Variants in SLC35F3 observed in about 807,000 individuals in gnomAD.
The protein encoded by SLC35F3 is solute carrier family 35 member F3, also known as putative thiamine transporter SLC35F3.
In SLC35F3, 25 loss-of-function variants were observed where a neutral mutation model predicts 49.9. The ratio of observed to expected loss-of-function variants is 0.50; its 90% CI spans 0.37 to 0.70. The LOEUF is 0.70. Ranked by LOEUF, SLC35F3 falls within the 30% of genes least tolerant of loss-of-function variation. SLC35F3 has a pLI of 0.00. For synonymous variants in SLC35F3, 275 were observed against 265.4 expected (o/e 1.04, Z -0.35); for missense variants, 525 against 639.8 (o/e 0.82, Z 1.94).
intron 2 of SLC35F3, among the ~76,000 whole-genome samples, chr1:234,185,070 A>T (rs4920171): frequency 0.14 from 20,910 of 152,248 alleles, 3,630 homozygotes; most frequent in East Asian, 0.87. Context: ...TCATAATGTT[A>T]TGAATCTAAA....
intron 2 of SLC35F3, among the ~76,000 whole-genome samples, chr1:234,102,564 T>C (rs536726056): frequency 1.3e-5 from 2 of 152,308 alleles, no homozygotes; most frequent in African/African-American, 4.8e-5. Flanking sequence ...AAGAGATGAA[T>C]GAGTTAGTGC....
At chr1:234,057,970 G>T (rs1031944861) in intron 2 of SLC35F3, among the ~76,000 whole-genome samples, 4 of 152,102 alleles carry the variant, frequency 2.6e-5, no homozygotes, top group Non-Finnish European at 4.4e-5. Context: ...GCTACCCAAA[G>T]GGCTGGGATT....
chr1:234,108,733 ATATCTTT>A (rs1665346379), intron 2 of SLC35F3, among the ~76,000 whole-genome samples: 5 of 81,682 alleles, frequency 6.1e-5, no homozygotes, highest in African/African-American at 2.4e-4. Flanking sequence ...ATAAATATAT[ATATCTTT>A]TATATATAAA....
In SLC35F3 at chr1:233,950,279, G is replaced by T. The variant is rs188543187; in HGVS notation, c.283+44521G>T. On this transcript the variant is annotated intron_variant, in intron 2 of 7. Coordinates refer to ENST00000366618, the MANE Select transcript of SLC35F3 (RefSeq NM_173508.4). ...CAGGTGCCTGTAGTCCCAGCTACTC[G>T]GGAGGCTGAGGCAGGAGAATGACAT... is the stretch of plus-strand genomic sequence containing the variant. Among the ~76,000 whole-genome samples the T allele has an allele frequency of 7.1e-4, 107 of 150,696 alleles. 1 individual carries two copies. In the East Asian group the frequency reaches 0.016, roughly 22 times the overall value.
chr1:234,192,890 A>G (rs999259761), intron 2 of SLC35F3, among the ~76,000 whole-genome samples: 1 of 152,154 alleles, frequency 6.6e-6, no homozygotes, highest in Admixed American at 6.5e-5. Context: ...ATATACCTAA[A>G]CAAGGTGAAA....
chr1:234,307,671 G>C (rs958425063), intron 3 of SLC35F3, among the ~76,000 whole-genome samples: 2 of 152,076 alleles, frequency 1.3e-5, no homozygotes, highest in Admixed American at 1.3e-4. Flanking sequence ...TTTTGTTCTC[G>C]TGGCAGTTCA....
At chr1:234,220,549 C>T (rs1178726269) in intron 2 of SLC35F3, among the ~76,000 whole-genome samples, 3 of 152,172 alleles carry the variant, frequency 2.0e-5, no homozygotes, top group Admixed American at 1.3e-4. Context: ...TGGCTCCTAA[C>T]GTAATTCCCA....
At chr1:234,070,856 T>A (rs1664703257) in intron 2 of SLC35F3, among the ~76,000 whole-genome samples, 1 of 152,198 alleles carries the variant, frequency 6.6e-6, no homozygotes, top group Non-Finnish European at 1.5e-5. Flanking sequence ...AAATAAATAA[T>A]TAATGCTCCT....
In SLC35F3 at chr1:234,269,290, T is replaced by C. The variant is rs12031570; in HGVS notation, c.608+37549T>C. Reference sequence around the variant, plus strand: ...ACCCTTCCCACAGCTGGTGAGATTATCAAACCATGATTACTGAGAGATGGT... The same window carrying C: ...ACCCTTCCCACAGCTGGTGAGATTACCAAACCATGATTACTGAGAGATGGT... On this transcript the variant is annotated intron_variant, in intron 3 of 7. Transcript: ENST00000366618. Among the ~76,000 whole-genome samples, 409 of 152,266 alleles carry C rather than the reference T, an allele frequency of 2.7e-3. 15 individuals carry two copies. The East Asian group carries it at 0.064, about 24-fold the overall frequency.
At chr1:233,960,116 T>G (rs1295062184) in intron 2 of SLC35F3, among the ~76,000 whole-genome samples, 3 of 152,150 alleles carry the variant, frequency 2.0e-5, no homozygotes, top group Non-Finnish European at 2.9e-5. Flanking sequence ...TCTGTCTAGG[T>G]GTGGGTTCCA....
intron 2 of SLC35F3, among the ~76,000 whole-genome samples, chr1:234,033,343 G>A (rs145161904): frequency 6.6e-4 from 100 of 152,178 alleles, no homozygotes; most frequent in Non-Finnish European, 1.1e-3. Flanking sequence ...TTGGCTGTGC[G>A]GAAGTTTTTA....
chr1:234,012,696 AG>A (rs1663742549), intron 2 of SLC35F3, among the ~76,000 whole-genome samples: 1 of 152,226 alleles, frequency 6.6e-6, no homozygotes, highest in South Asian at 2.1e-4. Context: ...GCTGGGGCAA[AG>A]TTACAAATTA....
intron 3 of SLC35F3, among the ~76,000 whole-genome samples, chr1:234,288,654 A>G (rs1000586824): frequency 6.6e-6 from 1 of 152,150 alleles, no homozygotes; most frequent in Non-Finnish European, 1.5e-5. Flanking sequence ...TGATTGCTCA[A>G]CTCATATCAT....
intron 3 of SLC35F3, among the ~76,000 whole-genome samples, chr1:234,301,395 T>C (rs180928723): frequency 8.9e-4 from 136 of 152,294 alleles, no homozygotes; most frequent in African/African-American, 3.0e-3. Context: ...GAACAGACAC[T>C]TCTCAACAGA....
intron 2 of SLC35F3, among the ~76,000 whole-genome samples, chr1:234,106,601 T>C (rs1665287848): frequency 6.6e-6 from 1 of 152,208 alleles, no homozygotes; most frequent in Non-Finnish European, 1.5e-5. Flanking sequence ...CTAGTGCTAT[T>C]AGATAGGGCC....
At chr1:233,908,848 C>T (rs920261830) in intron 2 of SLC35F3, among the ~76,000 whole-genome samples, 7 of 149,728 alleles carry the variant, frequency 4.7e-5, no homozygotes, top group Non-Finnish European at 7.4e-5. Flanking sequence ...ATTTGCCCAG[C>T]TTCCCCAAAT....
chr1:234,028,532 T>C (rs529933959), intron 2 of SLC35F3, among the ~76,000 whole-genome samples: 1 of 152,164 alleles, frequency 6.6e-6, no homozygotes, highest in Non-Finnish European at 1.5e-5. Flanking sequence ...CCTGGTGTTC[T>C]GTGGAGGTAG....
At chr1:233,980,084 G>C (rs966211657) in intron 2 of SLC35F3, among the ~76,000 whole-genome samples, 4 of 152,250 alleles carry the variant, frequency 2.6e-5, no homozygotes, top group African/African-American at 9.6e-5. Context: ...TTGTGTGCCA[G>C]CTCTGCCTTT....
At chr1:233,942,127 A>AT (rs1480883283) in intron 2 of SLC35F3, among the ~76,000 whole-genome samples, 4 of 151,440 alleles carry the variant, frequency 2.6e-5, no homozygotes, top group Non-Finnish European at 5.9e-5. Context: ...CACCCAGCTA[A>AT]TTTTTTGTAT....
Sources: allele counts gnomAD v4.1 joint callset (sites outside exome capture counted in the v4.1 genomes callset), GRCh38; gene constraint gnomAD v4.1.1; transcripts MANE v1.5; gene names NCBI Gene and HGNC (gene_info 2026-07-23, HGNC 2026-07-21).